The following USPL1 variants were observed in gnomAD, a reference collection of about 807,000 sequenced individuals.
USPL1 encodes the protein SUMO-specific isopeptidase USPL1.
USPL1 carries 27 observed loss-of-function variants against 51.5 expected under a neutral mutation model. The observed-to-expected ratio is 0.52, with a 90% CI of 0.39 to 0.72. The LOEUF (loss-of-function observed/expected upper bound fraction) is 0.72, where lower values mean the gene tolerates loss of function less well. Among genes scored for constraint, USPL1 ranks in the 30% least tolerant of loss-of-function variants. The pLI is 0.00. For synonymous variants in USPL1, 451 were observed against 459.6 expected (o/e 0.98, Z 0.24); for missense variants, 1,226 against 1,268.0 (o/e 0.97, Z 0.50).
intron 7 of USPL1, among the ~76,000 whole-genome samples, 168 bp from the exon 8 acceptor site, chr13:30,652,976 TAGAG>T (rs1424949335): frequency 4.6e-5 from 7 of 152,242 alleles, no homozygotes; most frequent in South Asian, 2.1e-4. Flanking sequence ...ACATACTTCT[TAGAG>T]AGAGTTCTCC....
chr13:30,636,999 G>A (rs554995117), intron 4 of USPL1, among the ~76,000 whole-genome samples: 1 of 152,326 alleles, frequency 6.6e-6, no homozygotes, highest in South Asian at 2.1e-4. Context: ...AGGCTGGAGT[G>A]CAGTAGTACA....
At chr13:30,634,084 A>G (rs996997732) in intron 4 of USPL1, among the ~76,000 whole-genome samples, 1 of 152,168 alleles carries the variant, frequency 6.6e-6, no homozygotes, top group Non-Finnish European at 1.5e-5. Flanking sequence ...TTAGAGAAGC[A>G]TTTTACAGCT....
intron 4 of USPL1, among the ~76,000 whole-genome samples, chr13:30,636,199 T>C (rs1439949281): frequency 6.6e-6 from 1 of 152,216 alleles, no homozygotes; most frequent in Non-Finnish European, 1.5e-5. Context: ...TAGGTGACAG[T>C]TCAGTTGTTT....
Position 30,631,147 on chromosome 13 carries a change from G to A in USPL1, c.541G>A (p.Asp181Asn). 6.2e-7 allele frequency: 1 copy of A among 1,614,194 alleles called. No homozygotes were observed. The highest frequency in any genetic ancestry group is 8.5e-7 in the Non-Finnish European group (1 of 1,180,028). ...RNEILEADTV[D>N]MATTKDPATV... ...TGAGATTTTGGAAGCTGATACTGTT[G>A]ACATGGCTACTACAAAAGATCCTGC... The change falls in exon 4 of 9, where the codon GAC becomes AAC. Residue 181 changes from aspartate to asparagine, a missense_variant. Transcript: ENST00000255304.
rs17853511 is a variant in USPL1, at chr13:30,658,657, A to C, written c.2580A>C (p.Gly860=). 6.2e-7 allele frequency: 1 copy of C among 1,614,224 alleles called. No individual in the cohort carries two copies. Among genetic ancestry groups the C allele is most frequent in the Non-Finnish European group, 8.5e-7 (1 of 1,180,042 alleles). The change falls in exon 9 of 9, where the codon GGA becomes GGC. Residue 860 remains glycine, a synonymous_variant. Coordinates refer to ENST00000255304, the MANE Select transcript of USPL1 (RefSeq NM_005800.5). ...AAAAGTCTGGAAGCACCTCATGTGGAGCTCAACTCAACCACAGTTCTTATG... is the reference window on the plus strand; with the variant it reads ...AAAAGTCTGGAAGCACCTCATGTGGCGCTCAACTCAACCACAGTTCTTATG... The part of the protein sequence containing the change: ...VLEKSGSTSC[G]AQLNHSSYGN...
In USPL1 at chr13:30,631,034, G is replaced by GA; in HGVS notation, c.429dup (p.Glu144ArgfsTer4). On this transcript the variant is annotated frameshift_variant, in exon 4 of 9. Transcript: ENST00000255304. LOFTEE classifies it high-confidence loss of function. ...AAAGTTTTGAACAGCAAACATAATG[G>GA]AGAAGTATATGACGAAACCTCGTCA... 1 of 1,614,108 alleles carries GA rather than the reference G, an allele frequency of 6.2e-7. No homozygotes were observed. Among genetic ancestry groups the GA allele is most frequent in the Non-Finnish European group, 8.5e-7 (1 of 1,180,036 alleles).
At chr13:30,643,655 G>C (rs1950979620) in intron 6 of USPL1, among the ~76,000 whole-genome samples, 1 of 133,588 alleles carries the variant, frequency 7.5e-6, no homozygotes, top group South Asian at 2.4e-4. Flanking sequence ...CGTCACACAG[G>C]CTGGAGTGCA....
chr13:30,621,424 G>A (rs1055427906), intron 2 of USPL1, among the ~76,000 whole-genome samples, 185 bp downstream of exon 2: 6 of 152,104 alleles, frequency 3.9e-5, no homozygotes, highest in African/African-American at 1.2e-4. Flanking sequence ...ATACATGAAA[G>A]TGGAAATAAA....
chr13:30,654,073 C>T (rs1951127601), intron 8 of USPL1, among the ~76,000 whole-genome samples: 1 of 152,226 alleles, frequency 6.6e-6, no homozygotes, highest in South Asian at 2.1e-4. Context: ...AAGGTTTTAC[C>T]CTGTTTCAGA....
chr13:30,621,309 A>G (rs1005664310), intron 2 of USPL1, 70 bp downstream of exon 2: 1 of 1,157,942 alleles, frequency 8.6e-7, no homozygotes, highest in Middle Eastern at 2.0e-4. Flanking sequence ...CTTAAATTCA[A>G]TTTTGATGTT....
intron 1 of USPL1, 47 bp downstream of exon 1, chr13:30,618,103 A>C (rs1950592915): frequency 6.6e-6 from 1 of 152,324 alleles, no homozygotes; most frequent in Non-Finnish European, 1.5e-5. Flanking sequence ...GAAATTGGGA[A>C]AAGAGACAGA....
intron 7 of USPL1, among the ~76,000 whole-genome samples, chr13:30,647,262 A>G (rs1951030224): frequency 6.6e-6 from 1 of 151,126 alleles, no homozygotes; most frequent in Non-Finnish European, 1.5e-5. Context: ...ACTTAGGCTG[A>G]CTCTCTGGCC....
Position 30,659,043 on chromosome 13 carries a change from G to T in USPL1, c.2966G>T (p.Gly989Val). The T allele has an allele frequency of 2.5e-6, 4 of 1,614,138 alleles. No individual in the cohort carries two copies. Among genetic ancestry groups the T allele is most frequent in the Non-Finnish European group, 3.4e-6 (4 of 1,180,036 alleles). Reference sequence around the variant, plus strand: ...GTTTCAACAGAGCTGTCAGAAAATGGGGAAGGTGACTTTAGGTATTTGGGA... The same window carrying T: ...GTTTCAACAGAGCTGTCAGAAAATGTGGAAGGTGACTTTAGGTATTTGGGA... Reference protein sequence around the residue: ...TPVSTELSENGEGDFRYLGMG... With the variant: ...TPVSTELSENVEGDFRYLGMG... The change falls in exon 9 of 9, where the codon GGG becomes GTG. Residue 989 changes from glycine (G) to valine (V), a missense_variant. Transcript: ENST00000255304.
rs1260999798 is a variant in USPL1 at position 30,657,664 on chromosome 13, A to G, written c.1587A>G (p.Val529=). 16 of 1,614,064 alleles carry G rather than the reference A, an allele frequency of 9.9e-6. No homozygotes were observed. The highest frequency in any genetic ancestry group is 1.4e-5 in the Non-Finnish European group (16 of 1,180,004). Residue 529 remains valine (V), a synonymous_variant, in exon 9 of 9, where the codon GTA becomes GTG. Transcript: ENST00000255304. The part of the protein sequence containing the change: ...DQHALSNEKP[V]SLTSCSVGDA... ...ACGCTCTCAGTAATGAGAAACCAGTATCTTTAACATCGTGTTCTGTGGGTG... is the reference window on the plus strand; with the variant it reads ...ACGCTCTCAGTAATGAGAAACCAGTGTCTTTAACATCGTGTTCTGTGGGTG...
chr13:30,641,373 C>T (rs1266595324), intron 5 of USPL1, among the ~76,000 whole-genome samples: 1 of 151,512 alleles, frequency 6.6e-6, no homozygotes, highest in East Asian at 1.9e-4. Context: ...AGGCTCTGTC[C>T]AGGGTAGGGG....
rs186472711 is a variant in USPL1, at chr13:30,644,111, T to A, written c.1112+1354T>A. Among the ~76,000 whole-genome samples the A allele has an allele frequency of 3.4e-3, 520 of 151,776 alleles. 1 individual carries two copies. The highest frequency in any genetic ancestry group is 0.011 in the African/African-American group (461 of 41,430). On this transcript the variant is annotated intron_variant, in intron 6 of 8. Coordinates refer to ENST00000255304, the MANE Select transcript of USPL1 (RefSeq NM_005800.5). ...CAGCCTGGCCAACATGGTGAAACGC[T>A]GTCTCTACTGAAAATACAAAAATTA...
At chr13:30,637,048 T>A (rs945455437) in intron 4 of USPL1, among the ~76,000 whole-genome samples, 24 of 152,174 alleles carry the variant, frequency 1.6e-4, no homozygotes, top group African/African-American at 5.8e-4. Flanking sequence ...CTAACCCTCC[T>A]GGGCTCAAAT....
intron 5 of USPL1, 56 bp from the exon 6 acceptor site, chr13:30,642,572 G>T: frequency 6.3e-7 from 1 of 1,578,996 alleles, no homozygotes; most frequent in Non-Finnish European, 8.6e-7. Flanking sequence ...CACAATTTTG[G>T]TTTAGTTTTT....
intron 3 of USPL1, among the ~76,000 whole-genome samples, chr13:30,629,966 T>TTAC (rs747985565): frequency 1.4e-5 from 2 of 145,400 alleles, no homozygotes; most frequent in African/African-American, 5.6e-5. Context: ...TAATTAACTA[T>TTAC]TATTATTATT....
Sources: allele counts gnomAD v4.1 joint callset (sites outside exome capture counted in the v4.1 genomes callset), GRCh38; gene constraint gnomAD v4.1.1; transcripts MANE v1.5; gene names NCBI Gene and HGNC (gene_info 2026-07-23, HGNC 2026-07-21).